Variants in OR51B5 observed in about 807,000 individuals in gnomAD.
OR51B5 encodes the protein olfactory receptor 51B5.
For synonymous variants in OR51B5, 186 were observed against 144.8 expected (o/e 1.28, Z -2.04); for missense variants, 456 against 374.6 (o/e 1.22, Z -1.79).
In OR51B5 at chr11:5,416,312, C is replaced by G. The variant is rs1321297998; in HGVS notation, n.85-69402G>C. ...AGAGCTATCTATGACAAACCCACAGCCAATATCATACTGAATGGGCAAAAA... is the reference window on the plus strand; with the variant it reads ...AGAGCTATCTATGACAAACCCACAGGCAATATCATACTGAATGGGCAAAAA... On this transcript the variant is annotated intron_variant and non_coding_transcript_variant, in intron 1 of 4. Coordinates refer to the OR51B5 transcript ENST00000415970. Among the ~76,000 whole-genome samples, 5 of 149,776 alleles carry G rather than the reference C, an allele frequency of 3.3e-5. No homozygotes were observed. In the South Asian group the frequency reaches 6.5e-4, roughly 19 times the overall value.
intron 1 of OR51B5, among the ~76,000 whole-genome samples, chr11:5,403,730 A>C (rs1850011804): frequency 6.6e-6 from 1 of 152,178 alleles, no homozygotes; most frequent in African/African-American, 2.4e-5. Context: ...TATGTGTGAC[A>C]GAACAGTACA....
intron 1 of OR51B5, among the ~76,000 whole-genome samples, chr11:5,375,619 T>C (rs1468018775): frequency 6.6e-6 from 1 of 152,078 alleles, no homozygotes; most frequent in Non-Finnish European, 1.5e-5. Flanking sequence ...GAGGAAGATC[T>C]ACCAAGCAAA....
chr11:5,371,510 C>T (rs11037061), intron 1 of OR51B5, among the ~76,000 whole-genome samples: 23,785 of 151,910 alleles, frequency 0.16, 2,184 homozygotes, highest in Non-Finnish European at 0.21. Context: ...TAGAGAAAAA[C>T]ATATATCTCA....
intron 1 of OR51B5, among the ~76,000 whole-genome samples, chr11:5,375,160 G>C (rs1398566673): frequency 6.8e-6 from 1 of 147,336 alleles, no homozygotes; most frequent in African/African-American, 2.5e-5. Context: ...CAAGCCAGAA[G>C]AGAGTGGGGG....
At chr11:5,490,542 C>T (rs2133814876) in intron 1 of OR51B5, among the ~76,000 whole-genome samples, 1 of 152,222 alleles carries the variant, frequency 6.6e-6, no homozygotes, top group East Asian at 1.9e-4. Flanking sequence ...ATCCAAGTTC[C>T]TTTTTTAATA....
intron 1 of OR51B5, chr11:5,441,614 G>A: frequency 1.2e-6 from 1 of 863,960 alleles, no homozygotes; most frequent in South Asian, 1.7e-5. Flanking sequence ...GTCATAGATT[G>A]AAAATGATTG....
At chr11:5,394,770 CGTTA>C (rs1437147119) in intron 1 of OR51B5, among the ~76,000 whole-genome samples, 1 of 152,104 alleles carries the variant, frequency 6.6e-6, no homozygotes, top group Non-Finnish European at 1.5e-5. Context: ...CATCAGGGGA[CGTTA>C]GTTTTTTTCA....
intron 1 of OR51B5, among the ~76,000 whole-genome samples, chr11:5,406,764 A>C (rs907748938): frequency 6.6e-5 from 10 of 152,294 alleles, no homozygotes; most frequent in African/African-American, 2.4e-4. Context: ...TCAAGATTCC[A>C]AAGAGAAGGG....
intron 1 of OR51B5, among the ~76,000 whole-genome samples, chr11:5,359,479 G>C (rs9703982): frequency 0.018 from 1,704 of 93,164 alleles, 74 homozygotes; most frequent in East Asian, 0.029. Flanking sequence ...AACCACTGCT[G>C]AATGAAATAA....
chr11:5,382,830 A>G (rs2647549), intron 1 of OR51B5, among the ~76,000 whole-genome samples: 1 of 151,868 alleles, frequency 6.6e-6, no homozygotes, highest in African/African-American at 2.4e-5. Flanking sequence ...TCTGATCACA[A>G]TGGCATGTCA....
intron 1 of OR51B5, among the ~76,000 whole-genome samples, chr11:5,473,603 T>C (rs1851261912): frequency 1.3e-5 from 2 of 152,172 alleles, no homozygotes; most frequent in South Asian, 4.1e-4. Flanking sequence ...GCTCATTTAG[T>C]TATCAGTGAA....
At chr11:5,459,189 T>A (rs1220886778) in intron 1 of OR51B5, among the ~76,000 whole-genome samples, 1 of 152,168 alleles carries the variant, frequency 6.6e-6, no homozygotes, top group East Asian at 1.9e-4. Flanking sequence ...TCAAAAGCCT[T>A]TTCTGTCTCT....
chr11:5,420,046 G>C (rs1439915596), intron 1 of OR51B5, among the ~76,000 whole-genome samples: 3 of 151,668 alleles, frequency 2.0e-5, no homozygotes, highest in African/African-American at 7.3e-5. Context: ...TTTTAGTTAT[G>C]ATAGGTGATA....
intron 1 of OR51B5, among the ~76,000 whole-genome samples, chr11:5,463,983 C>T (rs1350516222): frequency 6.6e-6 from 1 of 152,218 alleles, no homozygotes; most frequent in East Asian, 1.9e-4. Context: ...AGAACAACAG[C>T]TTAGAACCAA....
chr11:5,417,911 G>A (rs1850267303), intron 1 of OR51B5, among the ~76,000 whole-genome samples: 2 of 129,048 alleles, frequency 1.5e-5, no homozygotes, highest in Admixed American at 8.6e-5. Flanking sequence ...CCCATTACTG[G>A]GTATATACCC....
rs12796030 is a variant in OR51B5, at chr11:5,369,045, C to G, written n.85-22135G>C. Among the ~76,000 whole-genome samples the G allele has an allele frequency of 6.4e-4, 98 of 152,002 alleles. 3 individuals are homozygous for G. The Middle Eastern group carries it at 0.01, about 16-fold the overall frequency. On this transcript the variant is annotated intron_variant and non_coding_transcript_variant, in intron 1 of 4. Transcript: ENST00000415970. ...CCTTCTGGGACTAGATATTCATTCACCAAGATGAGTGCCTTTGAAGCAGAA... is the reference window on the plus strand; with the variant it reads ...CCTTCTGGGACTAGATATTCATTCAGCAAGATGAGTGCCTTTGAAGCAGAA...
intron 1 of OR51B5, among the ~76,000 whole-genome samples, chr11:5,461,839 T>C (rs1851058687): frequency 6.6e-6 from 1 of 152,182 alleles, no homozygotes; most frequent in Non-Finnish European, 1.5e-5. Context: ...GACTACCCCA[T>C]ACAGGCTTTC....
intron 1 of OR51B5, chr11:5,440,845 G>A (rs1396090943): frequency 1.2e-6 from 2 of 1,613,818 alleles, no homozygotes; most frequent in African/African-American, 1.3e-5. Flanking sequence ...ATGGCTCTCA[G>A]GATCAATGCG....
At chr11:5,396,446 C>T (rs1468646804) in intron 1 of OR51B5, among the ~76,000 whole-genome samples, 3 of 151,986 alleles carry the variant, frequency 2.0e-5, no homozygotes, top group Non-Finnish European at 4.4e-5. Flanking sequence ...AGTGAGTGAA[C>T]TCCCATTCAC....
Sources: allele counts gnomAD v4.1 joint callset (sites outside exome capture counted in the v4.1 genomes callset), GRCh38; gene constraint gnomAD v4.1.1; transcripts MANE v1.5; gene names NCBI Gene and HGNC (gene_info 2026-07-23, HGNC 2026-07-21).